The following RPAP2 variants were observed in gnomAD, a reference collection of about 807,000 sequenced individuals.
The protein encoded by RPAP2 is RNA polymerase II associated protein 2, also known as putative RNA polymerase II subunit B1 CTD phosphatase RPAP2.
In RPAP2, 52 loss-of-function variants were observed where a neutral mutation model predicts 73.1. The observed-to-expected ratio is 0.71, with a 90% CI of 0.57 to 0.90. The LOEUF (loss-of-function observed/expected upper bound fraction) is 0.90, where lower values mean the gene tolerates loss of function less well. RPAP2 is among the 40% of genes least tolerant of loss of function. The probability of loss-of-function intolerance (pLI) is 0.00; values close to 1 mark genes in which losing one functional copy is unlikely to be tolerated. For missense variants in RPAP2, 598 were observed against 701.8 expected (o/e 0.85, Z 1.67); for synonymous variants, 225 against 242.1 (o/e 0.93, Z 0.65).
At chr1:92,314,570 T>C (rs1210897820) in intron 6 of RPAP2, among the ~76,000 whole-genome samples, 35 of 133,330 alleles carry the variant, frequency 2.6e-4, no homozygotes, top group East Asian at 1.1e-3. Flanking sequence ...GCCAACAGGG[T>C]GAAACCCCAT....
intron 10 of RPAP2, among the ~76,000 whole-genome samples, chr1:92,344,774 A>T (rs1653792080): frequency 2.0e-5 from 3 of 152,122 alleles, no homozygotes; most frequent in African/African-American, 4.8e-5. Context: ...TCATTTTTCC[A>T]GGTGGATGGA....
At chr1:92,374,399 T>C (rs569017739) in intron 11 of RPAP2, among the ~76,000 whole-genome samples, 1 of 152,274 alleles carries the variant, frequency 6.6e-6, no homozygotes, top group South Asian at 2.1e-4. Context: ...TATGCACATA[T>C]AGGGACTGCG....
rs1208974243 is a variant in RPAP2 at position 92,393,190 on chromosome 1, A to G, written c.*6179A>G. The G allele has an allele frequency of 6.6e-6, 1 of 152,234 alleles. No individual in the cohort carries two copies. The highest frequency in any genetic ancestry group is 2.4e-5 in the African/African-American group (1 of 41,452). 9.4% of individuals were successfully genotyped at this position (152,234 alleles called of 1,614,324 possible). On this transcript the variant is annotated 3_prime_UTR_variant, in exon 13 of 13. Coordinates refer to ENST00000610020, the MANE Select transcript of RPAP2 (RefSeq NM_024813.3). The stretch of plus-strand genomic sequence containing the variant: ...GAAATAACACCACACGTCTACCACC[A>G]TCTGATCTTTGACAAACCTGACACA...
intron 12 of RPAP2, among the ~76,000 whole-genome samples, chr1:92,384,108 C>T (rs1308401215): frequency 6.6e-6 from 1 of 151,542 alleles, no homozygotes; most frequent in Non-Finnish European, 1.5e-5. Context: ...CAGGCGTGCA[C>T]CACCACGCCC....
At chr1:92,310,400 A>G (rs892973824) in intron 6 of RPAP2, among the ~76,000 whole-genome samples, 1 of 152,154 alleles carries the variant, frequency 6.6e-6, no homozygotes, top group Non-Finnish European at 1.5e-5. Flanking sequence ...CAGAAATGTG[A>G]TATTTTAAAG....
At chr1:92,315,555 G>A (rs1434771461) in intron 6 of RPAP2, among the ~76,000 whole-genome samples, 2 of 152,210 alleles carry the variant, frequency 1.3e-5, no homozygotes, top group Non-Finnish European at 2.9e-5. Flanking sequence ...AACAAGGTAT[G>A]CTTGTGTAAA....
chr1:92,338,175 T>G (rs910155743), intron 10 of RPAP2, among the ~76,000 whole-genome samples: 1 of 152,116 alleles, frequency 6.6e-6, no homozygotes, highest in Non-Finnish European at 1.5e-5. Context: ...ATGTTTATAT[T>G]TGAAAGTGAA....
At position 92,320,312 on chromosome 1, in the gene RPAP2, C is replaced by T. The variant is rs191790592; in HGVS notation, c.489-287C>T. 5.9e-5 allele frequency among the ~76,000 whole-genome samples: 9 copies of T among 151,974 alleles called. No homozygotes were observed. The South Asian group carries it at 1.9e-3, about 32-fold the overall frequency. Reference sequence around the variant, plus strand: ...TTCTTAAGATGGAGTCTCGCTCTGTCGCCAGGCTGGAGTGCAGTGGCGCAA... The same window carrying T: ...TTCTTAAGATGGAGTCTCGCTCTGTTGCCAGGCTGGAGTGCAGTGGCGCAA... On this transcript the variant is annotated intron_variant, in intron 6 of 12. Coordinates refer to ENST00000610020, the MANE Select transcript of RPAP2 (RefSeq NM_024813.3).
chr1:92,353,329 A>T (rs938383826), intron 11 of RPAP2, among the ~76,000 whole-genome samples: 4 of 152,186 alleles, frequency 2.6e-5, no homozygotes, highest in Admixed American at 2.6e-4. Context: ...AGGGCTCCAA[A>T]GATTGAACTT....
In RPAP2 at chr1:92,390,127, G is replaced by A. The variant is rs1655996273; in HGVS notation, c.*3116G>A. The A allele has an allele frequency of 6.6e-6, 1 of 152,308 alleles. No homozygotes were observed. The highest frequency in any genetic ancestry group is 6.5e-5 in the Admixed American group (1 of 15,302). 9.4% of individuals were successfully genotyped at this position (152,308 alleles called of 1,614,324 possible). A position where few individuals can be genotyped will look rare whatever the true frequency, so the allele number is the denominator to read the frequency against. On this transcript the variant is annotated 3_prime_UTR_variant, in exon 13 of 13. Coordinates refer to ENST00000610020, the MANE Select transcript of RPAP2 (RefSeq NM_024813.3). ...CCAAGGTTGAAATGAAGGAAAAACT[G>A]TTAAGGGCAGCCAGAGAGAAAGGTC... is the stretch of plus-strand genomic sequence containing the variant.
chr1:92,305,392 C>G (rs1651138996), intron 5 of RPAP2, among the ~76,000 whole-genome samples: 1 of 126,386 alleles, frequency 7.9e-6, no homozygotes, highest in Middle Eastern at 4.5e-3. Context: ...GAGATCGCAC[C>G]ACTGCATTCC....
At chr1:92,311,594 C>A (rs1277568386) in intron 6 of RPAP2, among the ~76,000 whole-genome samples, 1 of 152,168 alleles carries the variant, frequency 6.6e-6, no homozygotes, top group Non-Finnish European at 1.5e-5. Context: ...GATGCCATGA[C>A]CTTACACACC....
chr1:92,335,489 AACT>A (rs1653230709), intron 9 of RPAP2, among the ~76,000 whole-genome samples: 1 of 152,176 alleles, frequency 6.6e-6, no homozygotes, highest in Non-Finnish European at 1.5e-5. Context: ...ACTCAACAAT[AACT>A]ACTATTAATA....
Position 92,308,521 on chromosome 1 carries a change from GAT to G in RPAP2, c.488+1248_488+1249del, listed in dbSNP as rs1651382525. Among the ~76,000 whole-genome samples the G allele has an allele frequency of 2.0e-5, 3 of 152,156 alleles. No homozygotes were observed. The South Asian group carries it at 6.2e-4, about 32-fold the overall frequency. ...AGTTATCCTTAACTTTGCTTCCAAA[GAT>G]ATTTTCTCTACATCTTAAATTTAAC... On this transcript the variant is annotated intron_variant, in intron 6 of 12. Coordinates refer to ENST00000610020, the MANE Select transcript of RPAP2 (RefSeq NM_024813.3).
intron 11 of RPAP2, among the ~76,000 whole-genome samples, chr1:92,353,013 A>G (rs1654292060): frequency 6.6e-6 from 1 of 152,202 alleles, no homozygotes; most frequent in Non-Finnish European, 1.5e-5. Flanking sequence ...ATTTTGTAGC[A>G]TGTAACAGTA....
At chr1:92,301,612 T>G (rs1650864110) in intron 3 of RPAP2, 22 bp downstream of exon 3, 1 of 1,050,990 alleles carries the variant, frequency 9.5e-7, no homozygotes, top group East Asian at 2.7e-5. Flanking sequence ...GTTGACAAAT[T>G]ATTAGTTTTG....
At chr1:92,323,336 C>A in intron 7 of RPAP2, 109 bp from the exon 8 acceptor site, 3 of 666,822 alleles carry the variant, frequency 4.5e-6, no homozygotes, top group Non-Finnish European at 2.3e-6. Flanking sequence ...AAATTTCTAC[C>A]TTGAAAGTTA....
At position 92,335,964 on chromosome 1, in the gene RPAP2, T is replaced by C. The variant is rs192089823; in HGVS notation, c.1539-383T>C. On this transcript the variant is annotated intron_variant, in intron 9 of 12. Coordinates refer to ENST00000610020, the MANE Select transcript of RPAP2 (RefSeq NM_024813.3). Reference sequence around the variant, plus strand: ...TTCCTAAAAAGGTACTAATTTTCACTCCCACCATGGGGATTTAGTAAGGAA... The same window carrying C: ...TTCCTAAAAAGGTACTAATTTTCACCCCCACCATGGGGATTTAGTAAGGAA... Among the ~76,000 whole-genome samples the C allele has an allele frequency of 9.2e-5, 14 of 152,310 alleles. No homozygotes were observed. The East Asian group carries it at 2.5e-3, about 27-fold the overall frequency.
chr1:92,368,761 C>T (rs943559181), intron 11 of RPAP2, among the ~76,000 whole-genome samples: 2 of 152,156 alleles, frequency 1.3e-5, no homozygotes, highest in African/African-American at 4.8e-5. Context: ...GGGTACTTGT[C>T]CTAACCTGAT....
Sources: gnomAD v4.1 joint callset for allele counts (sites outside exome capture counted in the v4.1 genomes callset) on GRCh38, gnomAD v4.1.1 for gene constraint, MANE v1.5 for transcripts, NCBI Gene and HGNC (gene_info 2026-07-23, HGNC 2026-07-21) for gene names.